Variants in MAP9 observed in about 807,000 individuals in gnomAD.
MAP9 encodes microtubule associated protein 9.
In MAP9, 80 loss-of-function variants were observed where a neutral mutation model predicts 75.2. The ratio of observed to expected loss-of-function variants is 1.06; its 90% CI spans 0.89 to 1.28. The LOEUF (loss-of-function observed/expected upper bound fraction) is 1.28. Among genes scored for constraint, MAP9 ranks in the 50% most tolerant of loss-of-function variants. The pLI is 0.00. For synonymous variants in MAP9, 235 were observed against 237.3 expected, an observed-to-expected ratio of 0.99 and a Z score of 0.09; for missense variants, 753 against 719.9, an observed-to-expected ratio of 1.05 and a Z score of -0.53.
At chr4:155,357,304 T>C in intron 8 of MAP9, 145 bp downstream of exon 8, 9 of 640,376 alleles carry the variant, frequency 1.4e-5, no homozygotes, top group South Asian at 3.5e-5. Context: ...GGTTTTATCA[T>C]GAAGTTAACT....
At chr4:155,354,438 C>G (rs1328352175) in intron 10 of MAP9, 1 of 148,688 alleles carries the variant, frequency 6.7e-6, no homozygotes, top group Non-Finnish European at 1.5e-5. Flanking sequence ...TGAAGGCTAA[C>G]TAGTGTCTAA....
chr4:155,355,003 T>TTA (rs1228113141), intron 10 of MAP9, 68 bp downstream of exon 10: 3 of 650,072 alleles, frequency 4.6e-6, no homozygotes, highest in Non-Finnish European at 7.6e-6. Context: ...TTTAGAAAAG[T>TTA]TATATATTCA....
intron 8 of MAP9, chr4:155,356,948 A>C (rs1200296775): frequency 6.4e-6 from 1 of 156,156 alleles, no homozygotes; most frequent in Non-Finnish European, 1.4e-5. Context: ...CTATACAGAT[A>C]ATCATTTTAA....
At chr4:155,352,887 C>G (rs569179706) in intron 12 of MAP9, 25 bp downstream of exon 12, 1 of 1,475,142 alleles carries the variant, frequency 6.8e-7, no homozygotes, top group South Asian at 1.3e-5. Flanking sequence ...TAAAATATAT[C>G]AAAATATTTA....
At chr4:155,368,932 G>T in intron 4 of MAP9, 120 bp from the exon 5 acceptor site, 1 of 742,910 alleles carries the variant, frequency 1.3e-6, no homozygotes. Flanking sequence ...GTCCTGAAGA[G>T]TCCAGATGAA....
rs1294885378 is a variant in MAP9 at position 155,346,365 on chromosome 4, C to T, written c.*1418G>A. ...GTAGAGAAAGATCATCTTTGGATAA[C>T]AATACATGATTTTAGGCTCTAAAAG... On this transcript the variant is annotated 3_prime_UTR_variant, in exon 14 of 14. Coordinates refer to ENST00000311277, the MANE Select transcript of MAP9 (RefSeq NM_001039580.2). 1 of 152,136 alleles carries T rather than the reference C, an allele frequency of 6.6e-6. No individual in the cohort carries two copies. The highest frequency in any genetic ancestry group is 2.4e-5 in the African/African-American group (1 of 41,436). 9.4% of individuals were successfully genotyped at this position (152,136 alleles called of 1,614,324 possible).
At chr4:155,355,282 T>C in intron 9 of MAP9, 122 bp from the exon 10 acceptor site, 3 of 368,230 alleles carry the variant, frequency 8.1e-6, no homozygotes, top group Non-Finnish European at 1.4e-5. Context: ...TATTCTACTC[T>C]AAAAAAGACA....
Position 155,344,148 on chromosome 4 carries a change from A to T in MAP9, c.*3635T>A, listed in dbSNP as rs1178026172. The T allele has an allele frequency of 6.6e-6, 1 of 151,920 alleles. No homozygotes were observed. Among genetic ancestry groups the T allele is most frequent in the Non-Finnish European group, 1.5e-5 (1 of 67,848 alleles). 9.4% of individuals were successfully genotyped at this position (151,920 alleles called of 1,614,324 possible). A position where few individuals can be genotyped will look rare whatever the true frequency, so the allele number is the denominator to read the frequency against. ...ATTGTATCTTAGTCCATGACACAGGATTTAAGAAACTTCATTATTTCCCCT... is the reference window on the plus strand; with the variant it reads ...ATTGTATCTTAGTCCATGACACAGGTTTTAAGAAACTTCATTATTTCCCCT... On this transcript the variant is annotated 3_prime_UTR_variant, in exon 14 of 14. Coordinates refer to ENST00000311277, the MANE Select transcript of MAP9 (RefSeq NM_001039580.2).
intron 5 of MAP9, among the ~76,000 whole-genome samples, chr4:155,365,451 T>C (rs1399815639): frequency 6.6e-6 from 1 of 151,940 alleles, no homozygotes; most frequent in Non-Finnish European, 1.5e-5. Context: ...GGTAAACAAA[T>C]TGGATGAAAA....
chr4:155,355,653 TA>T, intron 9 of MAP9, 62 bp downstream of exon 9: 2 of 1,264,176 alleles, frequency 1.6e-6, no homozygotes, highest in Non-Finnish European at 2.2e-6. Context: ...TTATTCTTTA[TA>T]AACAGTGTAG....
intron 10 of MAP9, chr4:155,354,184 A>C (rs1731656752): frequency 6.6e-6 from 1 of 150,808 alleles, no homozygotes; most frequent in Non-Finnish European, 1.5e-5. Context: ...CTTGGAAAAT[A>C]TTTTTCTTCT....
intron 8 of MAP9, among the ~76,000 whole-genome samples, chr4:155,356,125 G>A (rs1174491265): frequency 6.6e-6 from 1 of 152,018 alleles, no homozygotes; most frequent in East Asian, 1.9e-4. Context: ...AAAATTAGCT[G>A]GCGTGGTGGC....
Position 155,360,346 on chromosome 4 carries a change from GA to G in MAP9, c.871del (p.Ser291GlnfsTer5). 6.2e-7 allele frequency: 1 copy of G among 1,612,732 alleles called. No individual in the cohort carries two copies. The highest frequency in any genetic ancestry group is 8.5e-7 in the Non-Finnish European group (1 of 1,179,180). On this transcript the variant is annotated frameshift_variant, in exon 7 of 14. Transcript: ENST00000311277. LOFTEE classifies it high-confidence loss of function. The stretch of plus-strand genomic sequence containing the variant: ...AACTGCAGTAGTCACATGGTCTGCT[GA>G]AAATGAATTCTCTTTATTTTCATCT... ...KSDENKENSF[S>X]ADHVTTAVEK... is the part of the protein sequence containing the mutation.
Position 155,346,068 on chromosome 4 carries a change from T to C in MAP9, c.*1715A>G, listed in dbSNP as rs1347721803. 6.6e-6 allele frequency: 1 copy of C among 152,152 alleles called. No individual in the cohort carries two copies. Among genetic ancestry groups the C allele is most frequent in the Non-Finnish European group, 1.5e-5 (1 of 68,016 alleles). 9.4% of individuals were successfully genotyped at this position (152,152 alleles called of 1,614,324 possible). A position where few individuals can be genotyped will look rare whatever the true frequency, so the allele number is the denominator to read the frequency against. On this transcript the variant is annotated 3_prime_UTR_variant, in exon 14 of 14. Transcript: ENST00000311277. ...AAGGGTTCTAGTTTTATCTATGAAA[T>C]TTCTCTTAATTGTCTATAGCACTGA...
chr4:155,353,294 C>A lies in MAP9; in HGVS notation c.1427G>T (p.Trp476Leu). Residue 476 changes from tryptophan to leucine, a missense_variant, in exon 11 of 14, where the codon TGG becomes TTG. Coordinates refer to ENST00000311277, the MANE Select transcript of MAP9 (RefSeq NM_001039580.2). ...REEALASFEAWKAMKEKEAKK... is the reference protein window; with the variant it reads ...REEALASFEALKAMKEKEAKK... ...TGCTTCCTTTTCTTTCATAGCCTTC[C>A]AGGCCTCAAATGATGCTAATGCTTC... 1 of 1,604,256 alleles carries A rather than the reference C, an allele frequency of 6.2e-7. No individual in the cohort carries two copies. The highest frequency in any genetic ancestry group is 8.5e-7 in the Non-Finnish European group (1 of 1,177,178).
chr4:155,371,623 A>G (rs755328965), intron 4 of MAP9, among the ~76,000 whole-genome samples: 12 of 151,950 alleles, frequency 7.9e-5, no homozygotes, highest in Non-Finnish European at 1.6e-4. Context: ...CGTACTGAAT[A>G]TAACATTGCA....
At chr4:155,367,064 G>C (rs1283932876) in intron 5 of MAP9, among the ~76,000 whole-genome samples, 2 of 152,054 alleles carry the variant, frequency 1.3e-5, no homozygotes, top group East Asian at 3.9e-4. Flanking sequence ...TGACTAACCA[G>C]AGTTTATCCC....
At chr4:155,351,727 T>C (rs1335465746) in intron 13 of MAP9, among the ~76,000 whole-genome samples, 8 of 151,904 alleles carry the variant, frequency 5.3e-5, no homozygotes, top group African/African-American at 2.4e-5. Flanking sequence ...TGAAAAGATA[T>C]TCAAGCTCAA....
At position 155,359,680 on chromosome 4, in the gene MAP9, C is replaced by T. The variant is rs370231977; in HGVS notation, c.1050+488G>A. On this transcript the variant is annotated intron_variant, in intron 7 of 13. Transcript: ENST00000311277. ...GGAAATAAAGGCAAAGGATCAAATA[C>T]GAATAATAATACTAATGTTCCTGAT... is the stretch of plus-strand genomic sequence containing the variant. Among the ~76,000 whole-genome samples, 134 of 152,066 alleles carry T rather than the reference C, an allele frequency of 8.8e-4. No homozygotes were observed. In the East Asian group the frequency reaches 0.017, roughly 19 times the overall value.
Sources: gnomAD v4.1 joint callset for allele counts (sites outside exome capture counted in the v4.1 genomes callset) on GRCh38, gnomAD v4.1.1 for gene constraint, MANE v1.5 for transcripts, NCBI Gene and HGNC (gene_info 2026-07-23, HGNC 2026-07-21) for gene names.